The following SCAI variants were observed in gnomAD, a reference collection of about 807,000 sequenced individuals.
SCAI encodes protein SCAI.
SCAI carries 24 observed loss-of-function variants against 92.2 expected under a neutral mutation model. That is an observed-to-expected ratio of 0.26 (90% CI 0.19 to 0.37). The LOEUF is 0.37. Among genes scored for constraint, SCAI ranks in the 10% least tolerant of loss-of-function variants. The pLI is 1.00. For missense variants in SCAI, 450 were observed against 736.2 expected, an observed-to-expected ratio of 0.61 and a Z score of 4.50; for synonymous variants, 261 against 258.6, an observed-to-expected ratio of 1.01 and a Z score of -0.09.
chr9:124,963,516 G>A (rs1831482270), intron 17 of SCAI, among the ~76,000 whole-genome samples: 2 of 151,944 alleles, frequency 1.3e-5, no homozygotes, highest in African/African-American at 4.8e-5. Context: ...TTAGGAGGCT[G>A]AGGCAGGAGG....
intron 14 of SCAI, among the ~76,000 whole-genome samples, chr9:124,981,796 C>T (rs78902905): frequency 0.021 from 3,245 of 152,154 alleles, 105 homozygotes; most frequent in African/African-American, 0.074. Context: ...ACTGCACAGA[C>T]GTGGCACCAC....
intron 2 of SCAI, among the ~76,000 whole-genome samples, chr9:125,063,063 T>C (rs929191240): frequency 3.6e-5 from 5 of 138,930 alleles, no homozygotes; most frequent in African/African-American, 5.3e-5. Context: ...TAAGTACTAA[T>C]GAAGTCAAAT....
chr9:125,098,192 C>A (rs1465192281), intron 2 of SCAI, among the ~76,000 whole-genome samples: 1 of 151,978 alleles, frequency 6.6e-6, no homozygotes, highest in East Asian at 1.9e-4. Flanking sequence ...GTAGCTGGGA[C>A]TACAGATGCA....
intron 15 of SCAI, among the ~76,000 whole-genome samples, chr9:124,973,076 A>T (rs1027904583): frequency 6.6e-6 from 1 of 152,258 alleles, no homozygotes; most frequent in Non-Finnish European, 1.5e-5. Context: ...TCCTGGGGAC[A>T]GGTCCCAAGT....
intron 17 of SCAI, among the ~76,000 whole-genome samples, chr9:124,956,359 C>T (rs958350685): frequency 2.6e-5 from 4 of 152,108 alleles, no homozygotes; most frequent in Admixed American, 6.5e-5. Context: ...GCTGGGATTA[C>T]AGGCATGCGC....
chr9:125,047,735 C>A (rs549253182), intron 3 of SCAI, among the ~76,000 whole-genome samples: 1 of 152,154 alleles, frequency 6.6e-6, no homozygotes, highest in Non-Finnish European at 1.5e-5. Flanking sequence ...TGTAGTTAAT[C>A]TGAACTGAAA....
chr9:125,135,071 C>T (rs1319137671), intron 2 of SCAI, among the ~76,000 whole-genome samples: 1 of 152,226 alleles, frequency 6.6e-6, no homozygotes, highest in African/African-American at 2.4e-5. Context: ...CCATCCCACA[C>T]TAACTCCTCT....
chr9:125,102,329 A>G (rs1834694682), intron 2 of SCAI, among the ~76,000 whole-genome samples: 1 of 152,236 alleles, frequency 6.6e-6, no homozygotes, highest in Non-Finnish European at 1.5e-5. Context: ...TGATGAGTTC[A>G]TTACCGTTTC....
rs1323944577 is a variant in SCAI, at chr9:125,129,461, T to C, written c.98+13172A>G. Among the ~76,000 whole-genome samples, 216 of 127,070 alleles carry C rather than the reference T, an allele frequency of 1.7e-3. 2 individuals carry two copies. The highest frequency in any genetic ancestry group is 2.8e-3 in the Non-Finnish European group (165 of 59,110). 83.4% of individuals were successfully genotyped at this position (127,070 alleles called of 152,430 possible). Reference sequence around the variant, plus strand: ...ATGAAAGAATTAGAATTTCTTTTTTTTTTTTTTTTTTTTTTTTTTTGAGAC... The same window carrying C: ...ATGAAAGAATTAGAATTTCTTTTTTCTTTTTTTTTTTTTTTTTTTTGAGAC... On this transcript the variant is annotated intron_variant, in intron 2 of 17. Coordinates refer to ENST00000336505, the MANE Select transcript of SCAI (RefSeq NM_001144877.3).
At chr9:125,009,866 C>G (rs1282793026) in intron 9 of SCAI, among the ~76,000 whole-genome samples, 2 of 151,912 alleles carry the variant, frequency 1.3e-5, no homozygotes, top group African/African-American at 4.8e-5. Context: ...GTACTCCAGC[C>G]TGAGGGACAG....
At chr9:125,065,691 A>T (rs935953263) in intron 2 of SCAI, among the ~76,000 whole-genome samples, 2 of 152,232 alleles carry the variant, frequency 1.3e-5, no homozygotes, top group African/African-American at 2.4e-5. Context: ...ATACTAAGCC[A>T]AATGTTAGCA....
At chr9:125,084,422 G>A (rs907288478) in intron 2 of SCAI, among the ~76,000 whole-genome samples, 132 of 151,572 alleles carry the variant, frequency 8.7e-4, no homozygotes, top group Admixed American at 5.3e-4. Flanking sequence ...TGCCCGCCTG[G>A]GCCTCCCAAA....
At chr9:125,083,016 G>A (rs1407014732) in intron 2 of SCAI, among the ~76,000 whole-genome samples, 1 of 152,166 alleles carries the variant, frequency 6.6e-6, no homozygotes, top group African/African-American at 2.4e-5. Context: ...GAAGGGCCAG[G>A]GGCAGAATAA....
intron 17 of SCAI, among the ~76,000 whole-genome samples, chr9:124,963,478 G>A (rs930617696): frequency 6.6e-5 from 10 of 151,998 alleles, no homozygotes; most frequent in South Asian, 4.2e-4. Flanking sequence ...GGCTGAGCAC[G>A]GTGGCTCACA....
At chr9:125,036,311 A>T (rs1396339427) in intron 3 of SCAI, among the ~76,000 whole-genome samples, 1 of 152,212 alleles carries the variant, frequency 6.6e-6, no homozygotes, top group Admixed American at 6.5e-5. Context: ...TAGTATTCTT[A>T]TTCCTGCTAC....
intron 2 of SCAI, among the ~76,000 whole-genome samples, chr9:125,116,427 A>G (rs1835047888): frequency 6.6e-6 from 1 of 152,150 alleles, no homozygotes; most frequent in South Asian, 2.1e-4. Flanking sequence ...AGGGGAAAAG[A>G]ATATATACAC....
Position 124,985,641 on chromosome 9 carries a change from G to A in SCAI, c.1326+9293C>T, listed in dbSNP as rs1831974736. 3.3e-5 allele frequency among the ~76,000 whole-genome samples: 5 copies of A among 152,158 alleles called. No homozygotes were observed. The South Asian group carries it at 1.0e-3, about 32-fold the overall frequency. On this transcript the variant is annotated intron_variant, in intron 14 of 17. Transcript: ENST00000336505. ...CCAGAACTTTGGGAGGCAGAGGCGG[G>A]CAGATCACCTGAGGTTGGGAGTTTG...
chr9:124,968,498 G>A lies in SCAI; in HGVS notation c.1674+2872C>T, dbSNP rs539178564. On this transcript the variant is annotated intron_variant, in intron 17 of 17. Coordinates refer to ENST00000336505, the MANE Select transcript of SCAI (RefSeq NM_001144877.3). ...TGTTTGGTGTCTGCTTGTTGATCAC[G>A]TAGGTTGCTAGATCTCTACCCAGTT... 1.0e-4 allele frequency: 90 copies of A among 876,608 alleles called. 3 individuals carry two copies. The highest frequency in any genetic ancestry group is 9.8e-4 in the South Asian group (75 of 76,238). The allele number at this position is 876,608 out of a possible 1,614,324, so 54.3% of individuals were successfully genotyped here.
At chr9:124,977,708 A>G (rs1192540884) in intron 14 of SCAI, among the ~76,000 whole-genome samples, 2 of 152,100 alleles carry the variant, frequency 1.3e-5, no homozygotes, top group African/African-American at 4.8e-5. Context: ...AACATAACAG[A>G]AGAAAAACGT....
Sources: gnomAD v4.1 joint callset for allele counts (sites outside exome capture counted in the v4.1 genomes callset) on GRCh38, gnomAD v4.1.1 for gene constraint, MANE v1.5 for transcripts, NCBI Gene and HGNC (gene_info 2026-07-23, HGNC 2026-07-21) for gene names.